PLA2G4D: variants seen among roughly 807,000 people sequenced by gnomAD.
PLA2G4D encodes the protein cytosolic phospholipase A2 delta.
In PLA2G4D, 80 loss-of-function variants were observed where a neutral mutation model predicts 94.4. The ratio of observed to expected loss-of-function variants is 0.85; its 90% CI spans 0.71 to 1.02. The LOEUF is 1.02. Ranked by LOEUF, PLA2G4D falls within the 50% of genes least tolerant of loss-of-function variation. PLA2G4D has a pLI of 0.00. For synonymous variants in PLA2G4D, 438 were observed against 440.9 expected (o/e 0.99, Z 0.08); for missense variants, 1,050 against 1,034.7 (o/e 1.01, Z -0.20).
rs772313158 is a variant in PLA2G4D at position 42,071,248 on chromosome 15, G to A, written c.1751C>T (p.Ala584Val). 2.7e-5 allele frequency: 43 copies of A among 1,609,696 alleles called. No homozygotes were observed. The East Asian group carries it at 6.7e-4, about 25-fold the overall frequency. ...LEASWLQPGT[A>V]LAQAFKGFLT... Reference sequence around the variant, plus strand: ...GAAGCCTTTAAATGCCTGGGCCAGCGCCGTGCCTGGCTGCAGCCACGAGGC... The same window carrying A: ...GAAGCCTTTAAATGCCTGGGCCAGCACCGTGCCTGGCTGCAGCCACGAGGC... The change falls in exon 17 of 20, where the codon GCG (alanine) becomes GTG (valine). Residue 584 changes from alanine to valine, a missense_variant. Transcript: ENST00000290472.
rs991651781 is a variant in PLA2G4D at position 42,073,097 on chromosome 15, G to A, written c.1318-705C>T. On this transcript the variant is annotated intron_variant, in intron 13 of 19. Transcript: ENST00000290472. ...GGATCACTGCAACCTCCACCTCCCAGGCCCAAGTGATCCTCCCACCTCAGC... is the reference window on the plus strand; with the variant it reads ...GGATCACTGCAACCTCCACCTCCCAAGCCCAAGTGATCCTCCCACCTCAGC... Among the ~76,000 whole-genome samples the A allele has an allele frequency of 7.9e-5, 12 of 152,270 alleles. No homozygotes were observed. In the South Asian group the frequency reaches 2.5e-3, roughly 32 times the overall value.
intron 16 of PLA2G4D, 30 bp from the exon 17 acceptor site, chr15:42,071,347 T>C (rs756906568): frequency 6.4e-7 from 1 of 1,572,646 alleles, no homozygotes; most frequent in South Asian, 1.2e-5. Flanking sequence ...AATTGGTCCC[T>C]TCTTCCCCTT....
intron 1 of PLA2G4D, among the ~76,000 whole-genome samples, chr15:42,092,751 C>G (rs1406639909): frequency 1.3e-5 from 2 of 152,142 alleles, no homozygotes; most frequent in Non-Finnish European, 2.9e-5. Context: ...GCCCAGGGCA[C>G]ACGTTTGCCA....
Position 42,072,378 on chromosome 15 carries a change from C to T in PLA2G4D, c.1332G>A (p.Lys444=), listed in dbSNP as rs759788515. Reference sequence around the variant, plus strand: ...CCAGGGCGGCTCTCTGTCCTGACAGCTTCTGATCCATCACCTGGGGCCAGA... The same window carrying T: ...CCAGGGCGGCTCTCTGTCCTGACAGTTTCTGATCCATCACCTGGGGCCAGA... ...SMLHGQVMDQ[K]LSGQRAALER... is the part of the protein sequence containing the mutation. The change falls in exon 14 of 20, where the codon AAG becomes AAA. Residue 444 remains lysine, a synonymous_variant. Coordinates refer to ENST00000290472, the MANE Select transcript of PLA2G4D (RefSeq NM_178034.4). 6.2e-7 allele frequency: 1 copy of T among 1,612,890 alleles called. No individual in the cohort carries two copies. The highest frequency in any genetic ancestry group is 8.5e-7 in the Non-Finnish European group (1 of 1,179,900).
Position 42,084,726 on chromosome 15 carries a change from C to T in PLA2G4D, c.471+370G>A, listed in dbSNP as rs1003886371. On this transcript the variant is annotated intron_variant, in intron 6 of 19. Coordinates refer to ENST00000290472, the MANE Select transcript of PLA2G4D (RefSeq NM_178034.4). The surrounding 1 kb of genome is among the most constrained non-coding windows in gnomAD (Gnocchi z 4.8). The stretch of plus-strand genomic sequence containing the variant: ...TCCCTCTGAGCCTCGGTGACCTCAA[C>T]GTGAACAACCGGAAGGTGGGCCTGG... 1.3e-5 allele frequency among the ~76,000 whole-genome samples: 2 copies of T among 152,188 alleles called. No homozygotes were observed. Among genetic ancestry groups the T allele is most frequent in the Admixed American group, 1.3e-4 (2 of 15,284 alleles).
intron 8 of PLA2G4D, among the ~76,000 whole-genome samples, chr15:42,082,695 T>C (rs1203296661): frequency 6.6e-6 from 1 of 151,920 alleles, no homozygotes; most frequent in East Asian, 1.9e-4. Flanking sequence ...GTGGAGTGCG[T>C]GGGGTTTATT....
At chr15:42,086,504 A>C (rs1188808273) in intron 3 of PLA2G4D, among the ~76,000 whole-genome samples, 160 bp from the exon 4 acceptor site, 1 of 152,156 alleles carries the variant, frequency 6.6e-6, no homozygotes, top group African/African-American at 2.4e-5. Context: ...CTTAAATATA[A>C]GGAAATCTTA....
rs147208206 is a variant in PLA2G4D, at chr15:42,070,785, T to C, written c.1975A>G (p.Met659Val). The C allele has an allele frequency of 2.1e-4, 335 of 1,602,830 alleles. No homozygotes were observed. The highest frequency in any genetic ancestry group is 2.6e-4 in the Non-Finnish European group (309 of 1,174,526). ...TCCAGCCTGCGGCCTGGCCGGAACA[T>C]GGAGGGAGAGCTGGTGTTGATGAAG... ...AYFINTSSPS[M>V]FRPGRRLDLI... Residue 659 changes from methionine to valine, a missense_variant, in exon 18 of 20, where the codon ATG becomes GTG. Physicochemically the swap from Met to Val is conservative, Grantham distance 21. Coordinates refer to ENST00000290472, the MANE Select transcript of PLA2G4D (RefSeq NM_178034.4).
rs535920392 is a variant in PLA2G4D, at chr15:42,087,652, G to A, written c.94C>T (p.Arg32Trp). The stretch of plus-strand genomic sequence containing the variant: ...CACAGGTCAGCCCAGCGCAGGTTCC[G>A]CGCCTCCAGGACCCTCACTGTGAGC... ...WQLTVRVLEA[R>W]NLRWADLLSE... The change falls in exon 2 of 20, where the codon CGG (arginine) becomes TGG (tryptophan). Residue 32 changes from arginine to tryptophan, a missense_variant. Physicochemically the swap from Arg to Trp is moderately radical, Grantham distance 101 (BLOSUM62 -3). Coordinates refer to ENST00000290472, the MANE Select transcript of PLA2G4D (RefSeq NM_178034.4). 620 of 1,614,160 alleles carry A rather than the reference G, an allele frequency of 3.8e-4. 10 individuals carry two copies. In the South Asian group the frequency reaches 6.4e-3, roughly 17 times the overall value.
intron 13 of PLA2G4D, 24 bp downstream of exon 13, chr15:42,079,513 C>T (rs1267097455): frequency 3.2e-6 from 5 of 1,569,314 alleles, no homozygotes; most frequent in Non-Finnish European, 4.3e-6. Flanking sequence ...ACACGCGTCT[C>T]CCCCACGTGC....
chr15:42,080,897 C>T, intron 12 of PLA2G4D, 100 bp downstream of exon 12: 1 of 1,432,094 alleles, frequency 7.0e-7, no homozygotes, highest in Non-Finnish European at 9.3e-7. Flanking sequence ...ACAATGATCA[C>T]ACCTACTTGG....
At chr15:42,074,156 G>C (rs1014848635) in intron 13 of PLA2G4D, among the ~76,000 whole-genome samples, 1 of 152,240 alleles carries the variant, frequency 6.6e-6, no homozygotes, top group Middle Eastern at 3.4e-3. Context: ...CACAATTTAT[G>C]CCCTAGGGAA....
At chr15:42,071,008 G>A (rs187598778) in intron 17 of PLA2G4D, 115 bp downstream of exon 17, 59 of 1,525,692 alleles carry the variant, frequency 3.9e-5, no homozygotes, top group Non-Finnish European at 4.9e-5. Context: ...CAAGGGGATC[G>A]TCTCCAGGCC....
chr15:42,088,227 T>G (rs1890188845), intron 1 of PLA2G4D, among the ~76,000 whole-genome samples: 1 of 152,148 alleles, frequency 6.6e-6, no homozygotes, highest in Non-Finnish European at 1.5e-5. Flanking sequence ...ATCTGCACTG[T>G]AAGGGGTATG....
At chr15:42,071,996 C>T (rs1794910585) in intron 14 of PLA2G4D, 85 bp from the exon 15 acceptor site, 3 of 1,504,166 alleles carry the variant, frequency 2.0e-6, no homozygotes, top group Admixed American at 3.9e-5. Context: ...CTGCCCCTGC[C>T]CCCAGCAGGC....
At chr15:42,075,049 C>G (rs4923925) in intron 13 of PLA2G4D, among the ~76,000 whole-genome samples, 18,644 of 152,130 alleles carry the variant, frequency 0.12, 1,319 homozygotes, top group Middle Eastern at 0.2. Context: ...TTAGCCTCCT[C>G]AGTAGCTGGG....
At chr15:42,079,365 A>G (rs1183982013) in intron 13 of PLA2G4D, among the ~76,000 whole-genome samples, 172 bp downstream of exon 13, 1 of 152,252 alleles carries the variant, frequency 6.6e-6, no homozygotes, top group Non-Finnish European at 1.5e-5. Flanking sequence ...TACAGCAATT[A>G]ATTAAAGAAT....
Position 42,087,680 on chromosome 15 carries a change from C to G in PLA2G4D, c.66G>C (p.Trp22Cys). 1.9e-6 allele frequency: 3 copies of G among 1,614,128 alleles called. No individual in the cohort carries two copies. Among genetic ancestry groups the G allele is most frequent in the Non-Finnish European group, 2.5e-6 (3 of 1,180,016 alleles). Reference protein sequence around the residue: ...HPYQGEASTCWQLTVRVLEAR... With the variant: ...HPYQGEASTCCQLTVRVLEAR... ...CCTCCAGGACCCTCACTGTGAGCTG[C>G]CAGCAGGTAGAGGCCTCCCCCTGAA... The change falls in exon 2 of 20, where the codon TGG (tryptophan) becomes TGC (cysteine). Residue 22 changes from tryptophan (W) to cysteine (C), a missense_variant. Transcript: ENST00000290472.
Position 42,087,642 on chromosome 15 carries a change from C to T in PLA2G4D, c.104G>A (p.Arg35His), listed in dbSNP as rs993180470. ...CGGTTACTCACACAGGTCAGCCCAG[C>T]GCAGGTTCCGCGCCTCCAGGACCCT... Reference protein sequence around the residue: ...TVRVLEARNLRWADLLSEADP... With the variant: ...TVRVLEARNLHWADLLSEADP... The change falls in exon 2 of 20, where the codon CGC (arginine) becomes CAC (histidine). Residue 35 changes from arginine (R) to histidine (H), a missense_variant. Transcript: ENST00000290472. 4.3e-6 allele frequency: 7 copies of T among 1,614,040 alleles called. No homozygotes were observed. The highest frequency in any genetic ancestry group is 1.3e-5 in the African/African-American group (1 of 74,942).
Sources: gnomAD v4.1 joint callset for allele counts (sites outside exome capture counted in the v4.1 genomes callset) on GRCh38, gnomAD v4.1.1 for gene constraint, Gnocchi (gnomAD v3.1) non-coding constraint, MANE v1.5 for transcripts, NCBI Gene and HGNC (gene_info 2026-07-23, HGNC 2026-07-21) for gene names.